Variants in NWD1 observed in about 807,000 individuals in gnomAD.
NWD1 encodes the protein NACHT and WD repeat domain containing 1, also known as NACHT domain- and WD repeat-containing protein 1.
In NWD1, 129 loss-of-function variants were observed where a neutral mutation model predicts 135.1. The ratio of observed to expected loss-of-function variants is 0.96; its 90% confidence interval spans 0.83 to 1.11. The LOEUF is 1.11. NWD1 is among the 50% of genes least tolerant of loss of function. NWD1 has a pLI of 0.00. For missense variants in NWD1, 1,740 were observed against 1,851.3 expected, an observed-to-expected ratio of 0.94 and a Z score of 1.10; for synonymous variants, 773 against 786.0, an observed-to-expected ratio of 0.98 and a Z score of 0.28.
In NWD1 at chr19:16,791,578, C is replaced by A. The variant is rs1444550255; in HGVS notation, c.3169C>A (p.Gln1057Lys). 1.9e-6 allele frequency: 3 copies of A among 1,614,066 alleles called. No homozygotes were observed. In the Admixed American group the frequency reaches 5.0e-5, roughly 27 times the overall value. The change falls in exon 14 of 19, where the codon CAA (glutamine) becomes AAA (lysine). Residue 1057 changes from glutamine to lysine, a missense_variant. By Grantham distance (53) the Gln-to-Lys change is moderately conservative. Transcript: ENST00000524140. ...TPTCAVSVQK[Q>K]GKLVTGFSNG... Reference sequence around the variant, plus strand: ...TACCTGTGCCGTCTCAGTCCAGAAGCAAGGAAAGCTTGTTACCGGGTTTAG... The same window carrying A: ...TACCTGTGCCGTCTCAGTCCAGAAGAAAGGAAAGCTTGTTACCGGGTTTAG...
chr19:16,792,034 G>A (rs1210690397), intron 14 of NWD1, among the ~76,000 whole-genome samples: 6 of 152,092 alleles, frequency 3.9e-5, no homozygotes, highest in South Asian at 2.1e-4. Context: ...CTTCTTAATC[G>A]TAGGGATTTG....
Position 16,750,289 on chromosome 19 carries a change from C to T in NWD1, c.1647C>T (p.Phe549=). ...AFEEARKWAS[F]TVPVPLATTA... ...AGGAAGCCCGGAAATGGGCCTCTTTCACCGTGCCTGTCCCGCTGGCCACCA... is the reference window on the plus strand; with the variant it reads ...AGGAAGCCCGGAAATGGGCCTCTTTTACCGTGCCTGTCCCGCTGGCCACCA... The change falls in exon 6 of 19, where the codon TTC becomes TTT. Residue 549 remains phenylalanine, a synonymous_variant. Coordinates refer to ENST00000524140, the MANE Select transcript of NWD1 (RefSeq NM_001007525.5). 6.2e-7 allele frequency: 1 copy of T among 1,613,700 alleles called. No homozygotes were observed. The highest frequency in any genetic ancestry group is 8.5e-7 in the Non-Finnish European group (1 of 1,179,932).
At chr19:16,752,574 A>C (rs1390964594) in intron 6 of NWD1, among the ~76,000 whole-genome samples, 1 of 152,038 alleles carries the variant, frequency 6.6e-6, no homozygotes, top group Admixed American at 6.6e-5. Context: ...ACAGGAGTTG[A>C]AGACTGCAGT....
rs747757480 is a variant in NWD1 at position 16,807,608 on chromosome 19, C to T, written c.3759C>T (p.Asp1253=). Residue 1253 remains aspartate (D), a synonymous_variant, in exon 18 of 19, where the codon GAC becomes GAT. Transcript: ENST00000524140. ...CAGGCGAGGAACAAGATTCCCTGGA[C>T]ACCTCCAGTGAGATCAGGTGTCTGG... The part of the protein sequence containing the change: ...LAEGEEQDSL[D]TSSEIRCLEV... 3.9e-6 allele frequency: 6 copies of T among 1,525,488 alleles called. No individual in the cohort carries two copies. The Admixed American group carries it at 1.3e-4, about 34-fold the overall frequency. The allele number at this position is 1,525,488 out of a possible 1,614,324, so 94.5% of individuals were successfully genotyped here. A position where few individuals can be genotyped will look rare whatever the true frequency, so the allele number is the denominator to read the frequency against.
rs752293658 is a variant in NWD1, at chr19:16,799,875, T to C, written c.3460-11T>C. On this transcript the variant is annotated splice_polypyrimidine_tract_variant and intron_variant, in intron 16 of 18. Coordinates refer to ENST00000524140, the MANE Select transcript of NWD1 (RefSeq NM_001007525.5). Reference sequence around the variant, plus strand: ...AGATGTCAGATCTGCCCTCCTGTTCTGCTTCCTCAGGTGTGGAGTCTGTCA... The same window carrying C: ...AGATGTCAGATCTGCCCTCCTGTTCCGCTTCCTCAGGTGTGGAGTCTGTCA... 8 of 1,588,868 alleles carry C rather than the reference T, an allele frequency of 5.0e-6. No homozygotes were observed. Among genetic ancestry groups the C allele is most frequent in the Admixed American group, 3.6e-5 (2 of 55,890 alleles).
chr19:16,752,989 C>T (rs185675807), intron 6 of NWD1, among the ~76,000 whole-genome samples: 1 of 152,310 alleles, frequency 6.6e-6, no homozygotes, highest in African/African-American at 2.4e-5. Flanking sequence ...CAGAGCAAGA[C>T]CCTGTCTCCA....
chr19:16,816,917 G>A lies in NWD1; in HGVS notation c.*1878G>A, dbSNP rs112114116. ...GTAATTTTAAGATGTATGCTTGGAT[G>A]TATTGGGCAGCAGCTTCTAAGGTGT... is the stretch of plus-strand genomic sequence containing the variant. On this transcript the variant is annotated 3_prime_UTR_variant, in exon 19 of 19. Coordinates refer to ENST00000524140, the MANE Select transcript of NWD1 (RefSeq NM_001007525.5). 2.6e-5 allele frequency: 4 copies of A among 152,326 alleles called. No individual in the cohort carries two copies. The highest frequency in any genetic ancestry group is 7.2e-5 in the African/African-American group (3 of 41,572). The allele number at this position is 152,326 out of a possible 1,614,324, so 9.4% of individuals were successfully genotyped here. A position where few individuals can be genotyped will look rare whatever the true frequency, so the allele number is the denominator to read the frequency against.
chr19:16,745,565 CAA>C (rs575940399), intron 5 of NWD1, among the ~76,000 whole-genome samples: 15 of 104,044 alleles, frequency 1.4e-4, no homozygotes, highest in Middle Eastern at 5.4e-3. Context: ...CTCATCTCTA[CAA>C]AAAAAAAAAA....
At chr19:16,738,003 A>AAGAAAAGAAAAGAAAAG (rs1568339424) in intron 4 of NWD1, among the ~76,000 whole-genome samples, 5 of 138,158 alleles carry the variant, frequency 3.6e-5, no homozygotes, top group African/African-American at 5.4e-5. Context: ...AAGAAAAGAA[A>AAGAAAAGAAAAGAAAAG]AGAAAAGAAA....
At chr19:16,739,148 ATTT>A (rs1159416936) in intron 4 of NWD1, among the ~76,000 whole-genome samples, 1 of 148,124 alleles carries the variant, frequency 6.8e-6, no homozygotes, top group African/African-American at 2.5e-5. Context: ...CCTAAGTTTA[ATTT>A]TTCAAAGGAG....
chr19:16,798,721 G>A (rs546305315), intron 16 of NWD1, among the ~76,000 whole-genome samples: 27 of 152,254 alleles, frequency 1.8e-4, no homozygotes, highest in Non-Finnish European at 2.9e-5. Context: ...CGACCTCCTG[G>A]GTTCAAGCAA....
chr19:16,807,831 A>C lies in NWD1; in HGVS notation c.3982A>C (p.Thr1328Pro). ...YDNIVLVLDI[T>P]SGDPCPVIDG... ...CAACATCGTCCTGGTGCTGGACATC[A>C]CCTCCGGGGACCCCTGCCCGGTCAT... Residue 1328 changes from threonine (T) to proline (P), a missense_variant, in exon 18 of 19, where the codon ACC becomes CCC. Transcript: ENST00000524140. 1 of 1,613,870 alleles carries C rather than the reference A, an allele frequency of 6.2e-7. No homozygotes were observed. The highest frequency in any genetic ancestry group is 8.5e-7 in the Non-Finnish European group (1 of 1,179,988).
intron 1 of NWD1, among the ~76,000 whole-genome samples, chr19:16,720,754 C>T (rs1396200911): frequency 6.6e-6 from 1 of 152,038 alleles, no homozygotes; most frequent in Admixed American, 6.6e-5. Context: ...GGGGTTTCAC[C>T]GTGTTAGCCA....
At chr19:16,794,663 G>T (rs2431802) in intron 15 of NWD1, 110 bp downstream of exon 15, 729,718 of 729,882 alleles carry the variant, frequency 1, 364,777 homozygotes, top group South Asian at 1. Context: ...GGTTAGCAAC[G>T]TTTTCTGCCA....
chr19:16,748,033 A>G (rs908962734), intron 5 of NWD1, among the ~76,000 whole-genome samples: 7 of 152,056 alleles, frequency 4.6e-5, no homozygotes, highest in Admixed American at 1.3e-4. Context: ...GCACAGGCTG[A>G]AGTGCAGTGA....
At chr19:16,757,439 G>T (rs1379889029) in intron 6 of NWD1, among the ~76,000 whole-genome samples, 1 of 152,170 alleles carries the variant, frequency 6.6e-6, no homozygotes, top group Non-Finnish European at 1.5e-5. Context: ...GCCAGAATAA[G>T]AGTTCAGAAA....
chr19:16,808,410 T>C (rs1466453551), intron 18 of NWD1, among the ~76,000 whole-genome samples: 7 of 151,328 alleles, frequency 4.6e-5, no homozygotes, highest in Admixed American at 4.6e-4. Flanking sequence ...ATTAGCCAGG[T>C]GTGGTGTTGC....
intron 10 of NWD1, among the ~76,000 whole-genome samples, chr19:16,771,527 A>T (rs1969410508): frequency 6.6e-6 from 1 of 152,184 alleles, no homozygotes; most frequent in Admixed American, 6.5e-5. Context: ...TGGAAAGAAA[A>T]ATAACGCGAG....
At chr19:16,793,813 G>A (rs186949037) in intron 14 of NWD1, among the ~76,000 whole-genome samples, 2 of 151,694 alleles carry the variant, frequency 1.3e-5, no homozygotes, top group East Asian at 4.0e-4. Flanking sequence ...CTGACCTCGA[G>A]TGATCCACCC....
Sources: allele counts gnomAD v4.1 joint callset (sites outside exome capture counted in the v4.1 genomes callset), GRCh38; gene constraint gnomAD v4.1.1; transcripts MANE v1.5; gene names NCBI Gene and HGNC (gene_info 2026-07-23, HGNC 2026-07-21).